ARSL: variants seen among roughly 807,000 people sequenced by gnomAD.
The protein encoded by ARSL is arylsulfatase E (chondrodysplasia punctata 1).
Under a neutral mutation model 31.1 loss-of-function variants are expected in ARSL, and 4 were observed. That is an observed-to-expected ratio of 0.13 (90% CI 0.06 to 0.29). The LOEUF (loss-of-function observed/expected upper bound fraction) is 0.29, where lower values mean the gene tolerates loss of function less well. Among genes scored for constraint, ARSL ranks in the 10% least tolerant of loss-of-function variants. The probability of loss-of-function intolerance (pLI) is 1.00; values close to 1 mark genes in which losing one functional copy is unlikely to be tolerated. For missense variants in ARSL, 312 were observed against 497.8 expected, an observed-to-expected ratio of 0.63 and a Z score of 3.55; for synonymous variants, 198 against 209.9, an observed-to-expected ratio of 0.94 and a Z score of 0.49.
chrX:2,946,149 G>A lies in ARSL; in HGVS notation c.855-15C>T, dbSNP rs189879863. The A allele has an allele frequency of 3.4e-4, 413 of 1,206,476 alleles. 1 individual carries two copies. In the African/African-American group the frequency reaches 5.8e-3, roughly 17 times the overall value. On this transcript the variant is annotated splice_polypyrimidine_tract_variant and intron_variant, in intron 6 of 10. Transcript: ENST00000381134. ...CATGCTTATTCCTAAAAATAAATAC[G>A]AAGCAATTAAGGTGACTTTTTTGGT...
chrX:2,941,247 C>CTTT (rs200569564), intron 8 of ARSL, among the ~76,000 whole-genome samples: 34 of 80,574 alleles, frequency 4.2e-4, no homozygotes, highest in African/African-American at 8.2e-4. Flanking sequence ...TGTCCACAAT[C>CTTT]TTTTTTTTTT....
chrX:2,960,983 C>T (rs2089623762), intron 1 of ARSL, among the ~76,000 whole-genome samples: 1 of 109,667 alleles, frequency 9.1e-6, no homozygotes, highest in Non-Finnish European at 1.9e-5. Context: ...CTTTGGGAGG[C>T]GGAAGTGGGA....
chrX:2,944,248 G>T (rs971306241), intron 7 of ARSL, among the ~76,000 whole-genome samples: 1 of 109,290 alleles, frequency 9.1e-6, no homozygotes, highest in Non-Finnish European at 1.9e-5. Context: ...AAGGTCAGCA[G>T]TTCGAGACCA....
rs1029409419 is a variant in ARSL, at chrX:2,944,182, G to T, written c.992-983C>A. ...AAGAGTGAGACCCTGTCGGCCAGGC[G>T]CAGTGGCTCATCCCTGTAATCCCAG... On this transcript the variant is annotated intron_variant, in intron 7 of 10. Coordinates refer to ENST00000381134, the MANE Select transcript of ARSL (RefSeq NM_000047.3). 2.8e-5 allele frequency among the ~76,000 whole-genome samples: 3 copies of T among 108,089 alleles called. No individual in the cohort carries two copies. In the East Asian group the frequency reaches 8.9e-4, roughly 32 times the overall value. The allele number at this position is 108,089 out of a possible 115,157, so 93.9% of individuals were successfully genotyped here. A position where few individuals can be genotyped will look rare whatever the true frequency, so the allele number is the denominator to read the frequency against.
chrX:2,962,181 C>A (rs5982942), intron 1 of ARSL, among the ~76,000 whole-genome samples: 1,416 of 111,560 alleles, frequency 0.013, 22 homozygotes, highest in African/African-American at 0.044. Flanking sequence ...ATAAAACAAG[C>A]TGCACCCTGA....
chrX:2,965,603 A>C (rs1244926888), upstream of ARSL, among the ~76,000 whole-genome samples: 1 of 111,778 alleles, frequency 8.9e-6, no homozygotes, highest in Non-Finnish European at 1.9e-5. Flanking sequence ...CTTGGTTTAA[A>C]AACATAGAAA....
At chrX:2,947,496 G>T (rs763567728) in intron 6 of ARSL, among the ~76,000 whole-genome samples, 1 of 112,002 alleles carries the variant, frequency 8.9e-6, no homozygotes, top group South Asian at 3.7e-4. Flanking sequence ...TATTTCCATT[G>T]TCCTCCTTGA....
At chrX:2,955,261 T>C (rs900654933) in intron 4 of ARSL, among the ~76,000 whole-genome samples, 155 bp downstream of exon 4, 20 of 112,020 alleles carry the variant, frequency 1.8e-4, no homozygotes, top group Non-Finnish European at 3.4e-4. Context: ...CGGGGATCTT[T>C]TGAGCCCAGC....
At chrX:2,944,844 G>GA (rs766925881) in intron 7 of ARSL, among the ~76,000 whole-genome samples, 67 of 111,126 alleles carry the variant, frequency 6.0e-4, no homozygotes, top group African/African-American at 2.1e-3. Context: ...GGGGGAAATG[G>GA]AAAATCAACC....
At chrX:2,953,621 A>G (rs1312265826) in intron 4 of ARSL, among the ~76,000 whole-genome samples, 1 of 111,860 alleles carries the variant, frequency 8.9e-6, no homozygotes, top group Non-Finnish European at 1.9e-5. Context: ...GGTGTAATCA[A>G]TGTCCACTGC....
upstream of ARSL, among the ~76,000 whole-genome samples, chrX:2,965,991 G>C (rs964057952): frequency 8.9e-6 from 1 of 112,370 alleles, no homozygotes; most frequent in Non-Finnish European, 1.9e-5. Context: ...CTGTAGAATG[G>C]AACCCTACGC....
intron 1 of ARSL, among the ~76,000 whole-genome samples, chrX:2,960,802 C>T (rs2089618026): frequency 9.0e-6 from 1 of 111,150 alleles, no homozygotes; most frequent in Non-Finnish European, 1.9e-5. Context: ...GAGCCCAGGG[C>T]AGGGGTGATT....
At chrX:2,949,164 C>T in intron 6 of ARSL, 140 bp downstream of exon 6, 15 of 788,086 alleles carry the variant, frequency 1.9e-5, no homozygotes, top group Non-Finnish European at 2.8e-5. Flanking sequence ...CTCCTGACCT[C>T]AGGCGATCCT....
chrX:2,950,427 C>T (rs1207257872), intron 5 of ARSL, among the ~76,000 whole-genome samples: 1 of 111,561 alleles, frequency 9.0e-6, no homozygotes, highest in East Asian at 2.8e-4. Context: ...TTAGTTTGGG[C>T]ACTGATATGG....
Position 2,959,713 on chromosome X carries a change from A to T in ARSL, c.23+665T>A, listed in dbSNP as rs1195235685. ...TCACGGGTCTCATGCTTCATTCTCC[A>T]GATGCAGGATAAATCACTATCAGTG... is the stretch of plus-strand genomic sequence containing the variant. On this transcript the variant is annotated intron_variant, in intron 2 of 10. Coordinates refer to ENST00000381134, the MANE Select transcript of ARSL (RefSeq NM_000047.3). 11 of 1,145,635 alleles carry T rather than the reference A, an allele frequency of 9.6e-6. 1 individual carries two copies. Among genetic ancestry groups the T allele is most frequent in the Middle Eastern group, 2.3e-4 (1 of 4,262 alleles). 94.4% of individuals were successfully genotyped at this position (1,145,635 alleles called of 1,213,427 possible).
chrX:2,937,589 C>T (rs1460079696), intron 9 of ARSL, among the ~76,000 whole-genome samples: 2 of 110,282 alleles, frequency 1.8e-5, no homozygotes, highest in African/African-American at 6.6e-5. Context: ...CCCAGACCTC[C>T]ACAAACAAGT....
At position 2,943,114 on chromosome X, in the gene ARSL, C is replaced by T. The variant is rs961100839; in HGVS notation, c.1077G>A (p.Glu359=). The T allele has an allele frequency of 3.8e-5, 46 of 1,208,987 alleles. No homozygotes were observed. Among genetic ancestry groups the T allele is most frequent in the Non-Finnish European group, 5.0e-5 (45 of 894,942 alleles). Residue 359 remains glutamate (E), a synonymous_variant, in exon 8 of 11, where the codon GAG becomes GAA. Transcript: ENST00000381134. ...YFTSDHGGSL[E]NQLGNTQYGG... ...CATACTGGGTGTTTCCAAGTTGATTCTCTAGGGAACCGCCGTGATCCGACG... is the reference window on the plus strand; with the variant it reads ...CATACTGGGTGTTTCCAAGTTGATTTTCTAGGGAACCGCCGTGATCCGACG...
intron 9 of ARSL, among the ~76,000 whole-genome samples, chrX:2,937,604 T>G (rs1369874144): frequency 9.1e-6 from 1 of 110,449 alleles, no homozygotes; most frequent in East Asian, 2.9e-4. Flanking sequence ...ACAAGTTTTA[T>G]TGGGGGGTCT....
rs141784018 is a variant in ARSL, at chrX:2,945,608, T to C, written c.991+390A>G. Reference sequence around the variant, plus strand: ...TGTCTAGCACATGGGGATTAGGATGTGGACATCTTTGGGGCCATTATTCTG... The same window carrying C: ...TGTCTAGCACATGGGGATTAGGATGCGGACATCTTTGGGGCCATTATTCTG... On this transcript the variant is annotated intron_variant, in intron 7 of 10. Transcript: ENST00000381134. Among the ~76,000 whole-genome samples the C allele has an allele frequency of 6.1e-3, 683 of 111,513 alleles. 5 individuals carry two copies. Among genetic ancestry groups the C allele is most frequent in the African/African-American group, 0.02 (620 of 30,715 alleles).
Sources: allele counts gnomAD v4.1 joint callset (sites outside exome capture counted in the v4.1 genomes callset), GRCh38; gene constraint gnomAD v4.1.1; transcripts MANE v1.5; gene names NCBI Gene and HGNC (gene_info 2026-07-23, HGNC 2026-07-21).